Variants in KAZN observed in about 807,000 individuals in gnomAD.
The protein encoded by KAZN is kazrin, periplakin interacting protein, also known as kazrin.
In KAZN, 40 loss-of-function variants were observed where a neutral mutation model predicts 87.4. The observed-to-expected ratio is 0.46, with a 90% CI of 0.36 to 0.60. The LOEUF is 0.60. Ranked by LOEUF, KAZN falls within the 20% of genes least tolerant of loss-of-function variation. KAZN has a pLI of 0.00. For synonymous variants in KAZN, 466 were observed against 458.3 expected, an observed-to-expected ratio of 1.02 and a Z score of -0.22; for missense variants, 898 against 1,073.9, an observed-to-expected ratio of 0.84 and a Z score of 2.29.
At chr1:14,351,370 C>G (rs1658538370) in intron 2 of KAZN, among the ~76,000 whole-genome samples, 1 of 152,180 alleles carries the variant, frequency 6.6e-6, no homozygotes, top group Non-Finnish European at 1.5e-5. Flanking sequence ...TTGAGGCCAT[C>G]CTGGCCAACA....
At chr1:14,637,718 G>C (rs1280115843) in intron 1 of KAZN, among the ~76,000 whole-genome samples, 3 of 152,002 alleles carry the variant, frequency 2.0e-5, no homozygotes, top group Admixed American at 1.3e-4. Context: ...AAATATATGT[G>C]TGTGTGCTCT....
chr1:14,939,590 A>T (rs1042914640), intron 1 of KAZN, among the ~76,000 whole-genome samples: 2 of 152,186 alleles, frequency 1.3e-5, no homozygotes, highest in South Asian at 4.1e-4. Context: ...TTTATTAAGC[A>T]TGAGGTCCGC....
rs1157423531 is a variant in KAZN at position 14,317,679 on chromosome 1, A to G, written c.249+137087A>G. On this transcript the variant is annotated intron_variant, in intron 2 of 16. Transcript: ENST00000636203. ...TTTTCTCCATCTTCATTATTGACCT[A>G]TTAGCTATACAGTGAGTCTTCTTTT... Among the ~76,000 whole-genome samples, 4 of 151,514 alleles carry G rather than the reference A, an allele frequency of 2.6e-5. No homozygotes were observed. In the East Asian group the frequency reaches 5.8e-4, roughly 22 times the overall value.
At chr1:14,497,403 G>A (rs1670009139) in intron 2 of KAZN, among the ~76,000 whole-genome samples, 1 of 147,102 alleles carries the variant, frequency 6.8e-6, no homozygotes, top group African/African-American at 2.5e-5. Flanking sequence ...AGCCTAAAGA[G>A]GTTTGAATAG....
intron 2 of KAZN, among the ~76,000 whole-genome samples, chr1:14,436,041 A>G (rs1666364069): frequency 6.6e-6 from 1 of 152,202 alleles, no homozygotes; most frequent in Non-Finnish European, 1.5e-5. Context: ...CATCCTGGCC[A>G]ACATGGTGAA....
At chr1:14,479,339 A>G (rs1473687348) in intron 2 of KAZN, among the ~76,000 whole-genome samples, 1 of 152,208 alleles carries the variant, frequency 6.6e-6, no homozygotes, top group Non-Finnish European at 1.5e-5. Context: ...TACAAAACGC[A>G]TATGCAGCTA....
chr1:14,711,822 C>T (rs189286657), intron 1 of KAZN, among the ~76,000 whole-genome samples: 1 of 152,286 alleles, frequency 6.6e-6, no homozygotes, highest in Admixed American at 6.5e-5. Flanking sequence ...GTGAGAGACC[C>T]CGGGACAAAG....
chr1:13,896,002 T>A (rs926709598), intron 1 of KAZN, among the ~76,000 whole-genome samples: 3 of 151,774 alleles, frequency 2.0e-5, no homozygotes, highest in Admixed American at 6.6e-5. Flanking sequence ...TTTTTTTTTT[T>A]ATTTTTTGAG....
chr1:14,173,729 T>G lies in KAZN; in HGVS notation c.92-6706T>G, dbSNP rs78486667. On this transcript the variant is annotated intron_variant, in intron 1 of 16. Transcript: ENST00000636203. ...TAGTTCCATCAAATTGTCCTGAGATTAAACCTGTTTGGCTGCATTTGGTTC... is the reference window on the plus strand; with the variant it reads ...TAGTTCCATCAAATTGTCCTGAGATGAAACCTGTTTGGCTGCATTTGGTTC... 2.7e-3 allele frequency among the ~76,000 whole-genome samples: 415 copies of G among 151,802 alleles called. 17 individuals carry two copies. The East Asian group carries it at 0.067, about 24-fold the overall frequency.
At chr1:14,027,474 T>C (rs1472464021) in intron 1 of KAZN, among the ~76,000 whole-genome samples, 1 of 152,184 alleles carries the variant, frequency 6.6e-6, no homozygotes, top group Non-Finnish European at 1.5e-5. Context: ...TTAAGTTGCA[T>C]GCCGGCTTCT....
At chr1:14,109,720 C>T (rs1373052822) in intron 1 of KAZN, among the ~76,000 whole-genome samples, 1 of 145,688 alleles carries the variant, frequency 6.9e-6, no homozygotes, top group Non-Finnish European at 1.5e-5. Context: ...TTTGCAGCTG[C>T]ATCAAGAAGG....
chr1:13,919,865 T>A (rs530539287), intron 1 of KAZN, among the ~76,000 whole-genome samples: 126 of 152,298 alleles, frequency 8.3e-4, no homozygotes, highest in African/African-American at 2.5e-3. Context: ...TATGTTATCT[T>A]TTAGAAGCTT....
At chr1:14,275,444 C>CTGTGTGTGTGTGTGTGTG (rs60684981) in intron 2 of KAZN, among the ~76,000 whole-genome samples, 3 of 136,878 alleles carry the variant, frequency 2.2e-5, no homozygotes, top group Admixed American at 7.3e-5. Context: ...GTGGTAAATA[C>CTGTGTGTGTGTGTGTGTG]TGTGTGTGTG....
At chr1:14,209,087 T>C (rs1191660177) in intron 2 of KAZN, among the ~76,000 whole-genome samples, 1 of 152,204 alleles carries the variant, frequency 6.6e-6, no homozygotes, top group Non-Finnish European at 1.5e-5. Context: ...TACCCTGCTC[T>C]AGAACTTGGG....
chr1:14,444,339 T>C (rs556074928), intron 2 of KAZN, among the ~76,000 whole-genome samples: 1 of 121,064 alleles, frequency 8.3e-6, no homozygotes, highest in Admixed American at 9.9e-5. Context: ...TGAGATGGAA[T>C]CTCGCTCTTG....
intron 2 of KAZN, among the ~76,000 whole-genome samples, chr1:14,459,260 CGTGTGTGT>C (rs969777643): frequency 8.5e-6 from 1 of 118,028 alleles, no homozygotes. Context: ...TGTGTGTGCG[CGTGTGTGT>C]GTGTGTGTGT....
At chr1:14,182,220 C>T (rs930869248) in intron 2 of KAZN, among the ~76,000 whole-genome samples, 4 of 152,078 alleles carry the variant, frequency 2.6e-5, no homozygotes, top group African/African-American at 4.8e-5. Context: ...CTTTAAATGG[C>T]CAGATAAAAT....
At chr1:14,920,201 A>G (rs1482552245) in intron 1 of KAZN, among the ~76,000 whole-genome samples, 3 of 151,212 alleles carry the variant, frequency 2.0e-5, no homozygotes, top group Non-Finnish European at 4.4e-5. Context: ...CCAGTGATCT[A>G]AAGGATGTTC....
chr1:14,019,259 T>G (rs1640714362), intron 1 of KAZN, among the ~76,000 whole-genome samples: 1 of 152,162 alleles, frequency 6.6e-6, no homozygotes, highest in East Asian at 1.9e-4. Context: ...GGTGTGTTGG[T>G]GTAATGAGAA....
Sources: allele counts gnomAD v4.1 joint callset (sites outside exome capture counted in the v4.1 genomes callset), GRCh38; gene constraint gnomAD v4.1.1; transcripts MANE v1.5; gene names NCBI Gene and HGNC (gene_info 2026-07-23, HGNC 2026-07-21).